Variants in DLC1 observed in about 807,000 individuals in gnomAD.
DLC1 encodes rho GTPase-activating protein 7.
In DLC1, 54 loss-of-function variants were observed where a neutral mutation model predicts 140.3. That is an observed-to-expected ratio of 0.38 (90% confidence interval 0.31 to 0.48). DLC1 has a LOEUF of 0.48. DLC1 is among the 20% of genes least tolerant of loss of function. DLC1 has a pLI of 0.96. For missense variants in DLC1, 2,536 were observed against 1,907.0 expected, an observed-to-expected ratio of 1.33 and a Z score of -6.14; for synonymous variants, 986 against 728.1, an observed-to-expected ratio of 1.35 and a Z score of -5.70.
intron 4 of DLC1, among the ~76,000 whole-genome samples, chr8:13,320,374 C>T (rs1444003692): frequency 6.6e-6 from 1 of 152,152 alleles, no homozygotes; most frequent in East Asian, 1.9e-4. Flanking sequence ...ATAACTCTAA[C>T]CTTTGTACTG....
rs528654501 is a variant in DLC1 at position 13,302,833 on chromosome 8, G to T, written c.1348+2436C>A. ...GCCTTCATGGCCATTCCTCTGTCTAGCGGAAGCTTACAGAGATTCATAAAG... is the reference window on the plus strand; with the variant it reads ...GCCTTCATGGCCATTCCTCTGTCTATCGGAAGCTTACAGAGATTCATAAAG... On this transcript the variant is annotated intron_variant, in intron 5 of 17. Coordinates refer to ENST00000276297, the MANE Select transcript of DLC1 (RefSeq NM_182643.3). Among the ~76,000 whole-genome samples the T allele has an allele frequency of 7.2e-5, 11 of 151,740 alleles. 1 individual carries two copies. The South Asian group carries it at 2.1e-3, about 29-fold the overall frequency.
At chr8:13,247,828 C>T (rs74823259) in intron 5 of DLC1, among the ~76,000 whole-genome samples, 7,586 of 152,282 alleles carry the variant, frequency 0.05, 242 homozygotes, top group South Asian at 0.14. Context: ...CCTAACCAAA[C>T]CATGTGATAT....
chr8:13,567,928 G>C (rs185450144), intron 1 of DLC1: 102 of 1,549,348 alleles, frequency 6.6e-5, no homozygotes, highest in Non-Finnish European at 8.7e-5. Flanking sequence ...ACCAGAGCTG[G>C]TGATTGTTAA....
intron 5 of DLC1, among the ~76,000 whole-genome samples, chr8:13,254,454 G>A (rs1397426027): frequency 6.6e-6 from 1 of 152,050 alleles, no homozygotes; most frequent in African/African-American, 2.4e-5. Context: ...GAATGCAGAT[G>A]GAAACAAACT....
At chr8:13,405,910 T>TTC (rs1837509890) in intron 2 of DLC1, among the ~76,000 whole-genome samples, 1 of 136,540 alleles carries the variant, frequency 7.3e-6, no homozygotes, top group African/African-American at 2.8e-5. Flanking sequence ...TTTCTTTCTT[T>TTC]CTTTTCTTTT....
intron 5 of DLC1, among the ~76,000 whole-genome samples, chr8:13,249,095 A>G (rs1211167374): frequency 6.6e-6 from 1 of 151,716 alleles, no homozygotes; most frequent in Non-Finnish European, 1.5e-5. Flanking sequence ...TTTTCCTTTG[A>G]GACAAAGTCT....
intron 1 of DLC1, among the ~76,000 whole-genome samples, chr8:13,510,678 C>T (rs953611578): frequency 8.5e-5 from 13 of 152,148 alleles, no homozygotes; most frequent in African/African-American, 2.4e-4. Flanking sequence ...TTATTTTTTT[C>T]GGTACACCAC....
At position 13,579,467 on chromosome 8, in the gene DLC1, T is replaced by C. The variant is rs1290784676; in HGVS notation, c.-126+25070A>G. Among the ~76,000 whole-genome samples the C allele has an allele frequency of 1.6e-3, 103 of 62,866 alleles. 6 individuals are homozygous for C. Among genetic ancestry groups the C allele is most frequent in the African/African-American group, 6.2e-3 (97 of 15,672 alleles). 41.2% of individuals were successfully genotyped at this position (62,866 alleles called of 152,430 possible). On this transcript the variant is annotated intron_variant, in intron 1 of 1. Transcript: ENST00000631382. ...ATTTTATATTATATATTTAATACAT[T>C]ATATTTTATATTATATATTTAATAT...
chr8:13,466,074 G>A (rs759066696), intron 2 of DLC1, among the ~76,000 whole-genome samples: 2 of 152,102 alleles, frequency 1.3e-5, no homozygotes, highest in Non-Finnish European at 2.9e-5. Context: ...GGGCATAGAC[G>A]GGGCAGATAT....
chr8:13,126,891 C>G (rs867321319), intron 5 of DLC1, among the ~76,000 whole-genome samples: 1 of 152,058 alleles, frequency 6.6e-6, no homozygotes, highest in African/African-American at 2.4e-5. Context: ...ATAGCAGGAA[C>G]GTCTATTAAA....
chr8:13,105,723 G>A (rs1052602325), intron 7 of DLC1, among the ~76,000 whole-genome samples: 2 of 151,338 alleles, frequency 1.3e-5, no homozygotes, highest in African/African-American at 4.9e-5. Context: ...GACTACAGGT[G>A]CCCGCCACCA....
intron 2 of DLC1, among the ~76,000 whole-genome samples, chr8:13,429,883 A>G (rs1370256724): frequency 1.3e-5 from 2 of 152,252 alleles, no homozygotes; most frequent in African/African-American, 4.8e-5. Context: ...AGAAAATTCA[A>G]AGGTTAAATC....
chr8:13,383,428 C>G (rs1037324233), intron 4 of DLC1, among the ~76,000 whole-genome samples: 2 of 152,198 alleles, frequency 1.3e-5, no homozygotes, highest in Admixed American at 1.3e-4. Flanking sequence ...CTGAGACCTG[C>G]AGCGTCTCAT....
intron 5 of DLC1, among the ~76,000 whole-genome samples, chr8:13,180,971 A>G (rs540802688): frequency 6.6e-6 from 1 of 151,944 alleles, no homozygotes; most frequent in African/African-American, 2.4e-5. Context: ...TTGACATATA[A>G]TGTTCCTTTT....
chr8:13,304,424 G>T (rs989358500), intron 5 of DLC1, among the ~76,000 whole-genome samples: 1 of 152,158 alleles, frequency 6.6e-6, no homozygotes, highest in Non-Finnish European at 1.5e-5. Flanking sequence ...GGAAAATTCT[G>T]TGTAAAAACT....
intron 7 of DLC1, among the ~76,000 whole-genome samples, chr8:13,105,060 G>C (rs535735311): frequency 1.4e-4 from 21 of 152,138 alleles, no homozygotes; most frequent in African/African-American, 5.1e-4. Context: ...GACTTCATTT[G>C]GGCTTTAATG....
chr8:13,223,531 T>G (rs1183357229), intron 5 of DLC1, among the ~76,000 whole-genome samples: 2 of 152,120 alleles, frequency 1.3e-5, no homozygotes, highest in African/African-American at 4.8e-5. Flanking sequence ...TTAAATATGG[T>G]AAAAAGAGAA....
At chr8:13,584,611 G>A (rs1002569033) in intron 1 of DLC1, 1 of 152,196 alleles carries the variant, frequency 6.6e-6, no homozygotes, top group African/African-American at 2.4e-5. Flanking sequence ...TACCCTTCAA[G>A]CTGGTAGAAG....
intron 4 of DLC1, among the ~76,000 whole-genome samples, chr8:13,364,441 G>T (rs1452333180): frequency 1.3e-5 from 2 of 152,050 alleles, no homozygotes; most frequent in Non-Finnish European, 2.9e-5. Flanking sequence ...TGAGATTACA[G>T]GCATGTGCCA....
Sources: allele counts gnomAD v4.1 joint callset (sites outside exome capture counted in the v4.1 genomes callset), GRCh38; gene constraint gnomAD v4.1.1; transcripts MANE v1.5; gene names NCBI Gene and HGNC (gene_info 2026-07-23, HGNC 2026-07-21).